The following ACSBG2 variants were observed in gnomAD, a reference collection of about 807,000 sequenced individuals.
The protein encoded by ACSBG2 is acyl-CoA synthetase bubblegum family member 2, also known as long-chain-fatty-acid--CoA ligase ACSBG2.
In ACSBG2, 62 loss-of-function variants were observed where a neutral mutation model predicts 74.7. The ratio of observed to expected loss-of-function variants is 0.83; its 90% CI spans 0.68 to 1.03. ACSBG2 has a LOEUF of 1.03. Ranked by LOEUF, ACSBG2 falls within the 50% of genes least tolerant of loss-of-function variation. The pLI is 0.00. For synonymous variants in ACSBG2, 309 were observed against 294.1 expected, an observed-to-expected ratio of 1.05 and a Z score of -0.52; for missense variants, 730 against 817.6, an observed-to-expected ratio of 0.89 and a Z score of 1.31.
chr19:6,190,500 T>C (rs2090532092), intron 13 of ACSBG2, 84 bp from the exon 14 acceptor site: 2 of 1,197,364 alleles, frequency 1.7e-6, no homozygotes, highest in Non-Finnish European at 2.5e-6. Flanking sequence ...GCCCCAGGCA[T>C]GGGACTCTGT....
At chr19:6,160,337 C>T (rs1457463957) in intron 5 of ACSBG2, among the ~76,000 whole-genome samples, 1 of 147,278 alleles carries the variant, frequency 6.8e-6, no homozygotes, top group East Asian at 2.0e-4. Flanking sequence ...TTGGAGTGAG[C>T]TGAGATAGCG....
chr19:6,163,514 G>A (rs1206692333), intron 6 of ACSBG2, among the ~76,000 whole-genome samples: 1 of 149,566 alleles, frequency 6.7e-6, no homozygotes, highest in Non-Finnish European at 1.5e-5. Context: ...GCCGAGGTGG[G>A]TGGATAACCT....
chr19:6,141,555 C>T lies in ACSBG2; in HGVS notation c.12C>T (p.Thr4=), dbSNP rs377625104. ...TCTGCACACCTGGAATGACTGGAAC[C>T]CCAAAGACTCAAGAAGGAGCTAAAG... The part of the protein sequence containing the change: MTG[T]PKTQEGAKDL... The change falls in exon 2 of 15, where the codon ACC becomes ACT. Residue 4 remains threonine (T), a synonymous_variant. Coordinates refer to ENST00000588485, the MANE Select transcript of ACSBG2 (RefSeq NM_030924.5). The T allele has an allele frequency of 6.8e-6, 11 of 1,611,582 alleles. No homozygotes were observed. The highest frequency in any genetic ancestry group is 1.1e-5 in the South Asian group (1 of 91,044).
At chr19:6,142,290 C>G (rs936059837) in intron 2 of ACSBG2, among the ~76,000 whole-genome samples, 3 of 152,044 alleles carry the variant, frequency 2.0e-5, no homozygotes, top group African/African-American at 7.2e-5. Flanking sequence ...TAACATTAGG[C>G]TATAATCATT....
chr19:6,153,898 AAAGAAGGAAAAGAAAAAAG>A (rs2089322767), intron 4 of ACSBG2, among the ~76,000 whole-genome samples: 2 of 151,660 alleles, frequency 1.3e-5, no homozygotes, highest in Non-Finnish European at 2.9e-5. Context: ...AGAAAAAAGA[AAAGAAGGAAAAGAAAAAAG>A]AAAAGAAAAG....
chr19:6,158,817 A>C (rs904818127), intron 5 of ACSBG2, among the ~76,000 whole-genome samples: 4 of 152,222 alleles, frequency 2.6e-5, no homozygotes, highest in African/African-American at 9.6e-5. Context: ...AGCTAGACTC[A>C]GTGAAATACA....
intron 3 of ACSBG2, among the ~76,000 whole-genome samples, chr19:6,151,327 A>C (rs2089232676): frequency 6.6e-6 from 1 of 152,082 alleles, no homozygotes; most frequent in Admixed American, 6.6e-5. Flanking sequence ...TTTTGTTTTG[A>C]AACAGGGTCT....
rs780957447 is a variant in ACSBG2, at chr19:6,185,460, T to C, written c.1347T>C (p.Cys449=). Residue 449 remains cysteine, a synonymous_variant, in exon 11 of 15, where the codon TGT becomes TGC. Coordinates refer to ENST00000588485, the MANE Select transcript of ACSBG2 (RefSeq NM_030924.5). ...GCTGTGGCAAGATCTTGACTGGGTG[T>C]AAGAATATGCTGTTCCAGCAGAACA... ...LLSCGKILTG[C]KNMLFQQNKD... 1.9e-6 allele frequency: 3 copies of C among 1,614,026 alleles called. No homozygotes were observed. In the African/African-American group the frequency reaches 4.0e-5, roughly 22 times the overall value.
chr19:6,157,002 A>G (rs888228395), intron 5 of ACSBG2, among the ~76,000 whole-genome samples: 2 of 151,562 alleles, frequency 1.3e-5, no homozygotes, highest in Non-Finnish European at 1.5e-5. Context: ...GCTGGAGTGC[A>G]GTGGGCTGAA....
At chr19:6,181,837 T>G in intron 8 of ACSBG2, among the ~76,000 whole-genome samples, 1 of 104,410 alleles carries the variant, frequency 9.6e-6, no homozygotes, top group African/African-American at 4.0e-5. Context: ...CGAAATTTCC[T>G]TGGCATTTTG....
chr19:6,189,413 G>T (rs993839476), intron 13 of ACSBG2, among the ~76,000 whole-genome samples: 4 of 152,172 alleles, frequency 2.6e-5, no homozygotes, highest in African/African-American at 9.7e-5. Context: ...GTCAGCGCTC[G>T]GCTGTAATCT....
At chr19:6,157,610 T>C (rs895915021) in intron 5 of ACSBG2, among the ~76,000 whole-genome samples, 16 of 151,138 alleles carry the variant, frequency 1.1e-4, no homozygotes, top group African/African-American at 3.9e-4. Flanking sequence ...AGAGACAGAG[T>C]CTTGCTATGT....
At chr19:6,173,692 A>T (rs983372224) in intron 7 of ACSBG2, among the ~76,000 whole-genome samples, 1 of 152,118 alleles carries the variant, frequency 6.6e-6, no homozygotes, top group African/African-American at 2.4e-5. Context: ...TCCATTTACC[A>T]GTAATTTTGA....
At chr19:6,183,942 C>T (rs148138876) in intron 10 of ACSBG2, among the ~76,000 whole-genome samples, 111 of 152,160 alleles carry the variant, frequency 7.3e-4, no homozygotes, top group Middle Eastern at 3.4e-3. Context: ...TAGGACTACA[C>T]GCATGAGCCT....
intron 6 of ACSBG2, 122 bp from the exon 7 acceptor site, chr19:6,165,744 C>T: frequency 1.7e-6 from 2 of 1,193,634 alleles, no homozygotes; most frequent in South Asian, 3.0e-5. Context: ...AGGACTGGCA[C>T]ATCCTAAGCC....
chr19:6,153,169 C>T (rs1454649353), intron 4 of ACSBG2, among the ~76,000 whole-genome samples: 2 of 152,126 alleles, frequency 1.3e-5, no homozygotes, highest in African/African-American at 4.8e-5. Flanking sequence ...TGGCGTGAAC[C>T]CAGGAGGCCG....
intron 5 of ACSBG2, 28 bp downstream of exon 5, chr19:6,156,579 A>G (rs1404755350): frequency 5.3e-6 from 8 of 1,508,444 alleles, no homozygotes; most frequent in Non-Finnish European, 5.3e-6. Context: ...ACTGCCTGCC[A>G]AAGTCACCCA....
intron 2 of ACSBG2, among the ~76,000 whole-genome samples, chr19:6,145,261 T>C (rs1004955864): frequency 6.6e-6 from 1 of 152,014 alleles, no homozygotes; most frequent in African/African-American, 2.4e-5. Context: ...CTGGGTGTGG[T>C]GGTGCCCACC....
chr19:6,182,746 T>C lies in ACSBG2; in HGVS notation c.907-5T>C, dbSNP rs757195089. On this transcript the variant is annotated splice_polypyrimidine_tract_variant and splice_region_variant and intron_variant, in intron 8 of 14. Transcript: ENST00000588485. ...CTGTGGCTAACCTAGCTTCGTTCCA[T>C]ACAGGGCACCTTGGTAAGTACTCTA... 3.1e-6 allele frequency: 5 copies of C among 1,613,712 alleles called. No homozygotes were observed. The highest frequency in any genetic ancestry group is 4.5e-5 in the East Asian group (2 of 44,876).
Sources: gnomAD v4.1 joint callset for allele counts (sites outside exome capture counted in the v4.1 genomes callset) on GRCh38, gnomAD v4.1.1 for gene constraint, MANE v1.5 for transcripts, NCBI Gene and HGNC (gene_info 2026-07-23, HGNC 2026-07-21) for gene names.